The following SANBR variants were observed in gnomAD, a reference collection of about 807,000 sequenced individuals.
The protein encoded by SANBR is SANT and BTB domain regulator of CSR, also known as SANT and BTB domain regulator of class switch recombination.
A neutral mutation model predicts 101.8 loss-of-function variants in SANBR; 77 were observed. The observed-to-expected ratio is 0.76, with a 90% CI of 0.63 to 0.91. The LOEUF (loss-of-function observed/expected upper bound fraction) is 0.91, where lower values mean the gene tolerates loss of function less well. SANBR is among the 40% of genes least tolerant of loss of function. The pLI, the probability that SANBR is intolerant of heterozygous loss-of-function variation, is 0.00. For missense variants in SANBR, 875 were observed against 853.0 expected, an observed-to-expected ratio of 1.03 and a Z score of -0.32; for synonymous variants, 279 against 274.7, an observed-to-expected ratio of 1.02 and a Z score of -0.15.
intron 19 of SANBR, 42 bp downstream of exon 19, chr2:61,117,582 T>G: frequency 6.8e-7 from 1 of 1,471,522 alleles, no homozygotes; most frequent in Non-Finnish European, 9.5e-7. Context: ...TGGATGTAAA[T>G]AGCAATGATT....
chr2:61,111,379 C>T (rs575246738), intron 16 of SANBR, among the ~76,000 whole-genome samples: 28 of 152,156 alleles, frequency 1.8e-4, no homozygotes, highest in Non-Finnish European at 2.4e-4. Flanking sequence ...TGCGACAGAG[C>T]GAGACTCCGT....
At chr2:61,135,356 T>C (rs972431963) in intron 21 of SANBR, among the ~76,000 whole-genome samples, 1 of 152,240 alleles carries the variant, frequency 6.6e-6, no homozygotes, top group Non-Finnish European at 1.5e-5. Context: ...TATGTAGTTA[T>C]ATACCAAGGG....
intron 13 of SANBR, among the ~76,000 whole-genome samples, chr2:61,105,565 A>T (rs1438314922): frequency 6.6e-6 from 1 of 151,498 alleles, no homozygotes; most frequent in African/African-American, 2.4e-5. Context: ...ACAGGGTTTC[A>T]CCATGTTGAC....
intron 8 of SANBR, among the ~76,000 whole-genome samples, chr2:61,087,497 C>A (rs1450071993): frequency 6.6e-6 from 1 of 151,666 alleles, no homozygotes; most frequent in South Asian, 2.1e-4. Flanking sequence ...GTTTGAGGCC[C>A]AGGAGTCTGA....
chr2:61,087,865 A>T (rs1030756101), intron 8 of SANBR, among the ~76,000 whole-genome samples: 2 of 151,888 alleles, frequency 1.3e-5, no homozygotes, highest in African/African-American at 4.8e-5. Context: ...AAAAAAAGTA[A>T]AAATAAAAAA....
intron 6 of SANBR, 46 bp from the exon 7 acceptor site, chr2:61,081,406 T>A (rs1277934256): frequency 2.6e-6 from 4 of 1,548,840 alleles, no homozygotes; most frequent in Non-Finnish European, 2.6e-6. Flanking sequence ...TCAGAGGAGA[T>A]TGGGGTACCC....
chr2:61,075,599 T>G (rs1681724582), intron 5 of SANBR, among the ~76,000 whole-genome samples: 1 of 152,208 alleles, frequency 6.6e-6, no homozygotes, highest in Non-Finnish European at 1.5e-5. Context: ...GAGATTATAA[T>G]TTTTGAAGCA....
chr2:61,092,640 A>G (rs1682825210), intron 11 of SANBR, 53 bp downstream of exon 11: 8 of 1,349,458 alleles, frequency 5.9e-6, no homozygotes, highest in East Asian at 4.9e-5. Context: ...GAGCAAGATT[A>G]TTTTGATATC....
intron 6 of SANBR, 140 bp from the exon 7 acceptor site, chr2:61,081,312 T>C (rs1389167650): frequency 4.0e-6 from 3 of 758,254 alleles, no homozygotes; most frequent in African/African-American, 3.7e-5. Context: ...TTATTTTATG[T>C]ATCTAACCCA....
rs553572839 is a variant in SANBR at position 61,080,736 on chromosome 2, C to A, written c.671-716C>A. The stretch of plus-strand genomic sequence containing the variant: ...CTCCATCTCAAAAAAAAAACAACAA[C>A]AAAAAAAAACAAAAAACCTTGAATC... On this transcript the variant is annotated intron_variant, in intron 6 of 21. Coordinates refer to ENST00000402291, the MANE Select transcript of SANBR (RefSeq NM_001129993.3). 1.3e-3 allele frequency among the ~76,000 whole-genome samples: 187 copies of A among 149,316 alleles called. 1 individual carries two copies. Among genetic ancestry groups the A allele is most frequent in the Admixed American group, 2.4e-3 (36 of 14,958 alleles).
intron 21 of SANBR, among the ~76,000 whole-genome samples, chr2:61,134,871 C>T (rs888392884): frequency 1.3e-4 from 20 of 151,996 alleles, no homozygotes; most frequent in African/African-American, 4.6e-4. Flanking sequence ...TCCAGCCTTG[C>T]AACAGAGCGA....
intron 5 of SANBR, among the ~76,000 whole-genome samples, chr2:61,074,546 C>A (rs1399886450): frequency 6.6e-6 from 1 of 152,114 alleles, no homozygotes; most frequent in Non-Finnish European, 1.5e-5. Flanking sequence ...TTAACTGGGA[C>A]TACAGGTGTG....
chr2:61,076,864 T>C, intron 5 of SANBR, 56 bp from the exon 6 acceptor site: 1 of 1,258,540 alleles, frequency 7.9e-7, no homozygotes, highest in Non-Finnish European at 1.1e-6. Context: ...GTCAGTATTC[T>C]TGACTCCTTT....
At position 61,106,809 on chromosome 2, in the gene SANBR, G is replaced by A. The variant is rs561988288; in HGVS notation, c.1611+147G>A. ...TATGCCTAGTAATAGGACTCTAAGG[G>A]CAATAGGACACATTTCTTGCCCTCA... On this transcript the variant is annotated intron_variant, in intron 14 of 21. Transcript: ENST00000402291. The A allele has an allele frequency of 5.2e-5, 26 of 499,444 alleles. No individual in the cohort carries two copies. In the East Asian group the frequency reaches 5.3e-4, roughly 10 times the overall value. The allele number at this position is 499,444 out of a possible 1,614,324, so 30.9% of individuals were successfully genotyped here.
intron 21 of SANBR, among the ~76,000 whole-genome samples, chr2:61,135,229 TAAGAG>T (rs1684809040): frequency 6.6e-6 from 1 of 152,196 alleles, no homozygotes; most frequent in African/African-American, 2.4e-5. Context: ...TTAAAAAAAT[TAAGAG>T]AAAGAAATGT....
intron 21 of SANBR, among the ~76,000 whole-genome samples, chr2:61,134,860 C>CTCCA (rs1377087750): frequency 6.6e-6 from 1 of 152,082 alleles, no homozygotes; most frequent in Non-Finnish European, 1.5e-5. Context: ...CGCCACTGCA[C>CTCCA]TCCAGCCTTG....
At chr2:61,106,720 C>A in intron 14 of SANBR, 58 bp downstream of exon 14, 1 of 1,039,574 alleles carries the variant, frequency 9.6e-7, no homozygotes, top group Non-Finnish European at 1.4e-6. Context: ...GACATTTAAT[C>A]TTTGACAGGA....
In SANBR at chr2:61,123,559, T is replaced by C. The variant is rs1001131845; in HGVS notation, c.*1397T>C. On this transcript the variant is annotated 3_prime_UTR_variant, in exon 22 of 22. Transcript: ENST00000402291. ...AGAAAATGTCTTGTAGTACATATTA[T>C]ATGTAAGTACTCTGTTAAATACCAG... The C allele has an allele frequency of 2.4e-5, 23 of 962,494 alleles. No individual in the cohort carries two copies. The highest frequency in any genetic ancestry group is 2.8e-5 in the Non-Finnish European group (23 of 809,080). 59.6% of individuals were successfully genotyped at this position (962,494 alleles called of 1,614,324 possible).
intron 4 of SANBR, 26 bp from the exon 5 acceptor site, chr2:61,073,432 T>G (rs781760364): frequency 5.1e-6 from 6 of 1,177,354 alleles, no homozygotes; most frequent in East Asian, 2.5e-5. Flanking sequence ...TTTTTTTTTT[T>G]GTATGTGTTT....
Sources: gnomAD v4.1 joint callset for allele counts (sites outside exome capture counted in the v4.1 genomes callset) on GRCh38, gnomAD v4.1.1 for gene constraint, MANE v1.5 for transcripts, NCBI Gene and HGNC (gene_info 2026-07-23, HGNC 2026-07-21) for gene names.